The following MECOM variants were observed in gnomAD, a reference collection of about 807,000 sequenced individuals.
The protein encoded by MECOM is MDS1 and EVI1 complex locus, also known as histone-lysine N-methyltransferase MECOM.
A neutral mutation model predicts 116.3 loss-of-function variants in MECOM; 13 were observed. The observed-to-expected ratio is 0.11, with a 90% CI of 0.07 to 0.18. MECOM has a LOEUF of 0.18. Among genes scored for constraint, MECOM ranks in the 10% least tolerant of loss-of-function variants. The probability of loss-of-function intolerance (pLI) is 1.00; values close to 1 mark genes in which losing one functional copy is unlikely to be tolerated. For missense variants in MECOM, 1,299 were observed against 1,509.0 expected (o/e 0.86, Z 2.31); for synonymous variants, 528 against 535.2 (o/e 0.99, Z 0.19).
intron 2 of MECOM, among the ~76,000 whole-genome samples, chr3:169,365,350 C>T (rs1398283082): frequency 2.6e-5 from 4 of 151,998 alleles, no homozygotes; most frequent in Admixed American, 1.3e-4. Flanking sequence ...CTAGTATAGT[C>T]GCTTCTCTTC....
At chr3:169,277,457 A>G (rs527465730) in intron 2 of MECOM, among the ~76,000 whole-genome samples, 2 of 152,332 alleles carry the variant, frequency 1.3e-5, no homozygotes, top group African/African-American at 4.8e-5. Context: ...AATGTAGCCT[A>G]AAACGAAAGA....
intron 1 of MECOM, among the ~76,000 whole-genome samples, chr3:169,465,128 T>C (rs1748074889): frequency 6.6e-6 from 1 of 152,174 alleles, no homozygotes; most frequent in Non-Finnish European, 1.5e-5. Flanking sequence ...ATATTCGTAC[T>C]TTATTTAAGT....
intron 1 of MECOM, among the ~76,000 whole-genome samples, chr3:169,430,359 A>G (rs150999761): frequency 8.5e-5 from 13 of 152,318 alleles, no homozygotes; most frequent in African/African-American, 3.1e-4. Flanking sequence ...TTTGAATTAT[A>G]CTGGACTGGA....
chr3:169,416,634 G>A (rs1738645001), intron 1 of MECOM, among the ~76,000 whole-genome samples: 1 of 151,756 alleles, frequency 6.6e-6, no homozygotes, highest in South Asian at 2.1e-4. Flanking sequence ...TAGACTTCTA[G>A]CTAGACTAAT....
At chr3:169,294,741 T>C (rs1290105313) in intron 2 of MECOM, among the ~76,000 whole-genome samples, 1 of 152,172 alleles carries the variant, frequency 6.6e-6, no homozygotes, top group Non-Finnish European at 1.5e-5. Flanking sequence ...GTTCAGTCAA[T>C]CATTGACTCT....
At chr3:169,415,202 A>T (rs1738342387) in intron 1 of MECOM, among the ~76,000 whole-genome samples, 1 of 152,220 alleles carries the variant, frequency 6.6e-6, no homozygotes, top group African/African-American at 2.4e-5. Context: ...AAACCCTACA[A>T]GCCAGAAAAA....
rs1353374401 is a variant in MECOM at position 169,089,176 on chromosome 3, C to G, written c.3409G>C (p.Glu1137Gln). ...GAAAGTCCACTTTTATATTCTTCCT[C>G]TTTATACCTAAAATGAACCAACGAA... ...SCKTSPVRYK[E>Q]EEYKSGLSAL... is the part of the protein sequence containing the mutation. The change falls in exon 16 of 17, where the codon GAG becomes CAG. Residue 1137 changes from glutamate to glutamine, a missense_variant. Glu to Gln is a conservative substitution (Grantham distance 29). Coordinates refer to ENST00000651503, the MANE Select transcript of MECOM (RefSeq NM_004991.4). 5 of 1,519,202 alleles carry G rather than the reference C, an allele frequency of 3.3e-6. No homozygotes were observed. The highest frequency in any genetic ancestry group is 3.5e-6 in the Non-Finnish European group (4 of 1,137,048). 94.1% of individuals were successfully genotyped at this position (1,519,202 alleles called of 1,614,324 possible). A position where few individuals can be genotyped will look rare whatever the true frequency, so the allele number is the denominator to read the frequency against.
At chr3:169,160,293 T>C (rs1046454452) in intron 2 of MECOM, among the ~76,000 whole-genome samples, 2 of 151,932 alleles carry the variant, frequency 1.3e-5, no homozygotes, top group Non-Finnish European at 2.9e-5. Context: ...AAGGATTTTT[T>C]TGGAGACAGA....
chr3:169,250,914 T>G (rs1756170284), intron 2 of MECOM, among the ~76,000 whole-genome samples: 1 of 152,202 alleles, frequency 6.6e-6, no homozygotes, highest in South Asian at 2.1e-4. Flanking sequence ...ATGTTTCCAC[T>G]TGTTCAAAAC....
At chr3:169,599,669 A>T (rs1042376326) in intron 1 of MECOM, among the ~76,000 whole-genome samples, 2 of 152,190 alleles carry the variant, frequency 1.3e-5, no homozygotes, top group Non-Finnish European at 2.9e-5. Flanking sequence ...TCTCACTGGG[A>T]ATGGTTGAGA....
intron 1 of MECOM, among the ~76,000 whole-genome samples, chr3:169,654,783 G>A (rs1280360225): frequency 6.6e-6 from 1 of 151,086 alleles, no homozygotes; most frequent in African/African-American, 2.4e-5. Flanking sequence ...CCAGATATCA[G>A]ATTCTGTAAT....
intron 1 of MECOM, chr3:169,389,699 AC>A: frequency 2.6e-6 from 1 of 388,736 alleles, no homozygotes; most frequent in Non-Finnish European, 3.5e-6. Context: ...ATCTGAAATG[AC>A]CAGAGTACAG....
chr3:169,537,132 A>G (rs1759468156), intron 1 of MECOM, among the ~76,000 whole-genome samples: 1 of 152,182 alleles, frequency 6.6e-6, no homozygotes, highest in African/African-American at 2.4e-5. Context: ...GGACACTTCA[A>G]TACTAAAATG....
chr3:169,111,196 T>A (rs1056531936), intron 9 of MECOM, among the ~76,000 whole-genome samples: 1 of 152,142 alleles, frequency 6.6e-6, no homozygotes, highest in Non-Finnish European at 1.5e-5. Context: ...TAGACTAAGA[T>A]GTTCAAAGAC....
intron 1 of MECOM, among the ~76,000 whole-genome samples, chr3:169,652,754 A>G (rs1280446616): frequency 6.6e-6 from 1 of 152,228 alleles, no homozygotes; most frequent in African/African-American, 2.4e-5. Flanking sequence ...ATCTTTAATC[A>G]TAAAAGTGCA....
intron 10 of MECOM, among the ~76,000 whole-genome samples, chr3:169,104,927 A>G (rs897343217): frequency 6.6e-6 from 1 of 152,186 alleles, no homozygotes; most frequent in African/African-American, 2.4e-5. Flanking sequence ...CTAAATAATG[A>G]CATTCTTAAA....
intron 2 of MECOM, among the ~76,000 whole-genome samples, chr3:169,359,300 C>T (rs1250042564): frequency 6.6e-6 from 1 of 151,718 alleles, no homozygotes; most frequent in African/African-American, 2.4e-5. Flanking sequence ...CTATACTTTA[C>T]AACTGTATCT....
At chr3:169,101,480 A>G (rs551137720) in intron 11 of MECOM, among the ~76,000 whole-genome samples, 1 of 152,290 alleles carries the variant, frequency 6.6e-6, no homozygotes, top group Admixed American at 6.5e-5. Context: ...AAAGTGACAT[A>G]TTTTTCAAAG....
At chr3:169,473,388 T>G (rs1749855343) in intron 1 of MECOM, among the ~76,000 whole-genome samples, 1 of 152,202 alleles carries the variant, frequency 6.6e-6, no homozygotes, top group African/African-American at 2.4e-5. Flanking sequence ...ATTGTGAAAC[T>G]TGAAATTCAG....
Sources: gnomAD v4.1 joint callset for allele counts (sites outside exome capture counted in the v4.1 genomes callset) on GRCh38, gnomAD v4.1.1 for gene constraint, MANE v1.5 for transcripts, NCBI Gene and HGNC (gene_info 2026-07-23, HGNC 2026-07-21) for gene names.